PIK3R5: variants seen among roughly 807,000 people sequenced by gnomAD.
PIK3R5 encodes phosphoinositide 3-kinase regulatory subunit 5.
Under a neutral mutation model 94.9 loss-of-function variants are expected in PIK3R5, and 32 were observed. The ratio of observed to expected loss-of-function variants is 0.34; its 90% CI spans 0.25 to 0.45. PIK3R5 has a LOEUF of 0.45. PIK3R5 is among the 20% of genes least tolerant of loss of function. The pLI is 1.00. For synonymous variants in PIK3R5, 443 were observed against 479.4 expected (o/e 0.92, Z 0.99); for missense variants, 853 against 1,144.6 (o/e 0.75, Z 3.68).
chr17:8,961,744 G>A (rs916913209), intron 1 of PIK3R5, among the ~76,000 whole-genome samples: 6 of 152,206 alleles, frequency 3.9e-5, no homozygotes, highest in Admixed American at 1.3e-4. Context: ...GGAGTCTCCT[G>A]TGGATGCCGA....
chr17:8,894,508 G>A (rs763570710), intron 5 of PIK3R5, among the ~76,000 whole-genome samples: 21 of 152,286 alleles, frequency 1.4e-4, no homozygotes, highest in Non-Finnish European at 2.5e-4. Flanking sequence ...CTGCATCCCA[G>A]GCTCCTCTCC....
chr17:8,912,681 A>G (rs2090551257), intron 1 of PIK3R5, among the ~76,000 whole-genome samples: 1 of 152,236 alleles, frequency 6.6e-6, no homozygotes, highest in South Asian at 2.1e-4. Context: ...AAGCCAGAAG[A>G]GGAAGCACAG....
intron 1 of PIK3R5, among the ~76,000 whole-genome samples, chr17:8,936,765 G>GT (rs1319337444): frequency 1.3e-5 from 2 of 152,262 alleles, no homozygotes; most frequent in African/African-American, 4.8e-5. Flanking sequence ...TCATATAAGT[G>GT]TTAGAATGAG....
intron 1 of PIK3R5, among the ~76,000 whole-genome samples, chr17:8,954,269 A>C (rs919671282): frequency 1.3e-5 from 2 of 152,242 alleles, no homozygotes; most frequent in Non-Finnish European, 2.9e-5. Context: ...TTAATCAGTT[A>C]GTAATACTTT....
chr17:8,886,665 G>T, intron 12 of PIK3R5, 60 bp from the exon 13 acceptor site: 1 of 1,516,808 alleles, frequency 6.6e-7, no homozygotes, highest in South Asian at 1.3e-5. Flanking sequence ...TGGTAAGAAG[G>T]AGCAAGAATT....
chr17:8,891,351 G>A (rs951191609), intron 6 of PIK3R5, among the ~76,000 whole-genome samples: 2 of 152,120 alleles, frequency 1.3e-5, no homozygotes, highest in African/African-American at 2.4e-5. Context: ...GGTCTGGGGC[G>A]AGCGGGACAT....
chr17:8,910,492 A>G (rs189587817), intron 2 of PIK3R5, among the ~76,000 whole-genome samples: 1 of 152,262 alleles, frequency 6.6e-6, no homozygotes, highest in African/African-American at 2.4e-5. Context: ...TGAGGATCCC[A>G]CTGTCCCTTC....
chr17:8,899,773 C>T (rs1219874852), intron 5 of PIK3R5, among the ~76,000 whole-genome samples: 3 of 152,166 alleles, frequency 2.0e-5, no homozygotes, highest in African/African-American at 7.2e-5. Flanking sequence ...GGCGCGGTGG[C>T]TCATGCTTGT....
In PIK3R5 at chr17:8,893,905, T is replaced by C. The variant is rs2090086706; in HGVS notation, c.413-250A>G. The C allele has an allele frequency of 2.7e-6, 1 of 367,822 alleles. No homozygotes were observed. The highest frequency in any genetic ancestry group is 5.0e-6 in the Non-Finnish European group (1 of 198,214). The allele number at this position is 367,822 out of a possible 1,614,324, so 22.8% of individuals were successfully genotyped here. On this transcript the variant is annotated intron_variant, in intron 5 of 18. Transcript: ENST00000447110. The surrounding 1 kb of genome is among the most constrained non-coding windows in gnomAD (Gnocchi z 5.1). ...ACCAAAACTCGGTCCTGGGCCTCGC[T>C]GTCCTCTGGATTCCCGTGGCCTCTC...
At position 8,945,669 on chromosome 17, in the gene PIK3R5, T is replaced by C. The variant is rs1483646735; in HGVS notation, c.-14+19927A>G. On this transcript the variant is annotated intron_variant, in intron 1 of 18. Transcript: ENST00000447110. This position sits in a 1 kb window ranked among gnomAD's most constrained non-coding sequence, Gnocchi z 4.0. ...CTTATAAGATTTTATGTCCCAAAGATGATCCCAACAATAGCTCCCATCCCA... is the reference window on the plus strand; with the variant it reads ...CTTATAAGATTTTATGTCCCAAAGACGATCCCAACAATAGCTCCCATCCCA... Among the ~76,000 whole-genome samples, 2 of 152,234 alleles carry C rather than the reference T, an allele frequency of 1.3e-5. No homozygotes were observed. The highest frequency in any genetic ancestry group is 2.9e-5 in the Non-Finnish European group (2 of 68,036).
intron 1 of PIK3R5, among the ~76,000 whole-genome samples, chr17:8,920,705 T>G (rs1333383297): frequency 6.6e-6 from 1 of 152,258 alleles, no homozygotes; most frequent in African/African-American, 2.4e-5. Flanking sequence ...ATTTTAAAGT[T>G]AATTAGCAAG....
rs768171832 is a variant in PIK3R5, at chr17:8,889,220, T to G, written c.814A>C (p.Thr272Pro). The change falls in exon 9 of 19, where the codon ACT (threonine) becomes CCT (proline). Residue 272 changes from threonine (T) to proline (P), a missense_variant and splice_region_variant. Thr to Pro is a conservative substitution (Grantham distance 38). Transcript: ENST00000447110. This position sits in a 1 kb window ranked among gnomAD's most constrained non-coding sequence, Gnocchi z 4.1. ...GTGTGGAGCTTCCCTGGTTTTGCAG[T>G]GTCTGTAAGAACAGGGAGGATAGGA... Reference protein sequence around the residue: ...EKAGFPGVLDTAKPGKLHTIP... With the variant: ...EKAGFPGVLDPAKPGKLHTIP... 8.7e-6 allele frequency: 14 copies of G among 1,612,742 alleles called. No homozygotes were observed. Among genetic ancestry groups the G allele is most frequent in the Non-Finnish European group, 1.2e-5 (14 of 1,179,100 alleles).
At chr17:8,886,759 T>C (rs1597374289) in intron 12 of PIK3R5, among the ~76,000 whole-genome samples, 154 bp from the exon 13 acceptor site, 1 of 152,072 alleles carries the variant, frequency 6.6e-6, no homozygotes. Context: ...GGAGGGCCGG[T>C]GCCCAGCCTC....
chr17:8,943,776 A>C (rs1455865185), intron 1 of PIK3R5, among the ~76,000 whole-genome samples: 2 of 152,206 alleles, frequency 1.3e-5, no homozygotes, highest in African/African-American at 2.4e-5. Flanking sequence ...CCATCTAAAA[A>C]AAGAAAAAAT....
chr17:8,956,404 G>A (rs954166855), intron 1 of PIK3R5, among the ~76,000 whole-genome samples: 1 of 152,094 alleles, frequency 6.6e-6, no homozygotes, highest in Non-Finnish European at 1.5e-5. Flanking sequence ...GAAGGAGCAG[G>A]TCCCCTCTCT....
intron 1 of PIK3R5, among the ~76,000 whole-genome samples, chr17:8,929,811 G>A (rs537584394): frequency 6.6e-6 from 1 of 152,038 alleles, no homozygotes; most frequent in East Asian, 1.9e-4. Context: ...GACTCAGAAT[G>A]GGGGAGACAT....
At chr17:8,897,999 G>A (rs946007538) in intron 5 of PIK3R5, among the ~76,000 whole-genome samples, 1 of 152,046 alleles carries the variant, frequency 6.6e-6, no homozygotes, top group African/African-American at 2.4e-5. Flanking sequence ...AGAGTTTAAG[G>A]CATAGTTGTT....
At chr17:8,903,878 C>G (rs1187477025) in intron 5 of PIK3R5, among the ~76,000 whole-genome samples, 2 of 152,206 alleles carry the variant, frequency 1.3e-5, no homozygotes, top group Non-Finnish European at 2.9e-5. Flanking sequence ...TAAAATTTCT[C>G]TTCTTCAGAA....
intron 1 of PIK3R5, among the ~76,000 whole-genome samples, chr17:8,936,775 GTT>G (rs1359231324): frequency 6.6e-6 from 1 of 152,118 alleles, no homozygotes; most frequent in African/African-American, 2.4e-5. Flanking sequence ...GTTAGAATGA[GTT>G]TGTCAATATT....
Sources: allele counts gnomAD v4.1 joint callset (sites outside exome capture counted in the v4.1 genomes callset), GRCh38; gene constraint gnomAD v4.1.1; non-coding constraint Gnocchi (gnomAD v3.1); transcripts MANE v1.5; gene names NCBI Gene and HGNC (gene_info 2026-07-23, HGNC 2026-07-21).